IFT43: variants seen among roughly 807,000 people sequenced by gnomAD.
The protein encoded by IFT43 is intraflagellar transport 43.
Under a neutral mutation model 32.3 loss-of-function variants are expected in IFT43, and 33 were observed. The ratio of observed to expected loss-of-function variants is 1.02; its 90% CI spans 0.77 to 1.37. IFT43 has a LOEUF of 1.37. IFT43 is among the 40% of genes most tolerant of loss of function. The pLI is 0.00. For synonymous variants in IFT43, 93 were observed against 98.2 expected, an observed-to-expected ratio of 0.95 and a Z score of 0.31; for missense variants, 274 against 265.9, an observed-to-expected ratio of 1.03 and a Z score of -0.21.
chr14:76,072,533 C>G (rs1407646376), intron 5 of IFT43, among the ~76,000 whole-genome samples: 1 of 152,170 alleles, frequency 6.6e-6, no homozygotes, highest in African/African-American at 2.4e-5. Context: ...ATGTGAGCAG[C>G]TTGCTTGCAT....
At chr14:76,018,578 G>A (rs72725676) in intron 2 of IFT43, among the ~76,000 whole-genome samples, 1,665 of 152,206 alleles carry the variant, frequency 0.011, 12 homozygotes, top group Non-Finnish European at 0.017. Context: ...GGTTTAAAGT[G>A]CAGTTTAAAT....
At chr14:75,994,124 G>A (rs1213032486) in intron 2 of IFT43, among the ~76,000 whole-genome samples, 3 of 150,152 alleles carry the variant, frequency 2.0e-5, no homozygotes, top group African/African-American at 7.4e-5. Context: ...TTGTAGCCCT[G>A]GGTATGAAGA....
chr14:76,067,184 C>G (rs1043654377), intron 5 of IFT43, among the ~76,000 whole-genome samples: 1 of 152,244 alleles, frequency 6.6e-6, no homozygotes. Context: ...GATGCATGCT[C>G]TCTTCCAGAC....
In IFT43 at chr14:75,988,968, G is replaced by C. The variant is rs781379748; in HGVS notation, c.138G>C (p.Leu46=). Residue 46 remains leucine (L), a synonymous_variant, in exon 2 of 9, where the codon CTG becomes CTC. Coordinates refer to ENST00000314067, the MANE Select transcript of IFT43 (RefSeq NM_001102564.3). ...ATGGCAAGAATTCCTCTTTGACTCT[G>C]ACTGGAGAGGTGGGTGCTAAAAAAA... ...HLNGKNSSLT[L]TGETSSAKLP... is the part of the protein sequence containing the mutation. 6 of 1,613,750 alleles carry C rather than the reference G, an allele frequency of 3.7e-6. No individual in the cohort carries two copies. The highest frequency in any genetic ancestry group is 1.3e-5 in the African/African-American group (1 of 74,890).
intron 3 of IFT43, among the ~76,000 whole-genome samples, chr14:76,056,938 C>T (rs1473813130): frequency 2.0e-5 from 3 of 152,198 alleles, no homozygotes; most frequent in South Asian, 4.1e-4. Flanking sequence ...CCTGGGCACC[C>T]TGCAGTGGTT....
At chr14:76,002,499 A>C (rs1054219862) in intron 2 of IFT43, among the ~76,000 whole-genome samples, 6 of 152,190 alleles carry the variant, frequency 3.9e-5, no homozygotes, top group African/African-American at 7.2e-5. Flanking sequence ...GAGCAGTTCC[A>C]GTTATGACTG....
chr14:76,045,455 A>G (rs4903373), intron 3 of IFT43, among the ~76,000 whole-genome samples: 8,586 of 152,336 alleles, frequency 0.056, 318 homozygotes, highest in South Asian at 0.081. Context: ...GAGATGTGCT[A>G]TAGTAATTGG....
Position 75,985,776 on chromosome 14 carries a change from C to A in IFT43, c.-11C>A. The A allele has an allele frequency of 6.2e-7, 1 of 1,614,144 alleles. No individual in the cohort carries two copies. Among genetic ancestry groups the A allele is most frequent in the African/African-American group, 1.3e-5 (1 of 75,048 alleles). ...TCGGTTTCCAGGAAGTGACGTCAGG[C>A]GGCCGCGGAGATGGAGGATTTGCTC... On this transcript the variant is annotated 5_prime_UTR_variant, in exon 1 of 9. Coordinates refer to ENST00000314067, the MANE Select transcript of IFT43 (RefSeq NM_001102564.3).
At chr14:76,025,361 A>G (rs1160274590) in intron 3 of IFT43, among the ~76,000 whole-genome samples, 1 of 152,118 alleles carries the variant, frequency 6.6e-6, no homozygotes, top group Non-Finnish European at 1.5e-5. Flanking sequence ...TGTTAAAATG[A>G]CCATACAGGC....
intron 5 of IFT43, among the ~76,000 whole-genome samples, chr14:76,073,725 G>C (rs1199633235): frequency 6.6e-6 from 1 of 152,192 alleles, no homozygotes; most frequent in Admixed American, 6.5e-5. Context: ...GCTCTTGAAA[G>C]ATGATTACAG....
intron 5 of IFT43, among the ~76,000 whole-genome samples, chr14:76,078,410 T>A (rs372471157): frequency 6.6e-6 from 1 of 152,240 alleles, no homozygotes; most frequent in Non-Finnish European, 1.5e-5. Context: ...TCTTTGTGTT[T>A]ATTAGCCTCC....
intron 1 of IFT43, chr14:75,986,429 G>T: frequency 1.1e-5 from 3 of 260,982 alleles, no homozygotes; most frequent in Non-Finnish European, 1.2e-5. Flanking sequence ...ATGGAGCATA[G>T]AGCTGTTGCC....
At chr14:76,076,774 A>G (rs1041589428) in intron 5 of IFT43, 1 of 1,473,474 alleles carries the variant, frequency 6.8e-7, no homozygotes, top group Non-Finnish European at 9.4e-7. Context: ...TAGTGTGCGC[A>G]TGTGATGATA....
At chr14:76,070,530 A>AACC (rs1421018532) in intron 5 of IFT43, among the ~76,000 whole-genome samples, 6 of 152,178 alleles carry the variant, frequency 3.9e-5, no homozygotes, top group African/African-American at 1.4e-4. Flanking sequence ...GTGGTTCCTA[A>AACC]ACCTGGTTCC....
chr14:75,992,168 G>T (rs907236044), intron 2 of IFT43, among the ~76,000 whole-genome samples: 4 of 152,170 alleles, frequency 2.6e-5, no homozygotes, highest in Non-Finnish European at 5.9e-5. Context: ...CTCTGGTGAA[G>T]GAAGCAGAAA....
chr14:76,041,337 C>G (rs1314344958), intron 3 of IFT43, among the ~76,000 whole-genome samples: 1 of 152,132 alleles, frequency 6.6e-6, no homozygotes, highest in Admixed American at 6.5e-5. Flanking sequence ...TGGAAGTGTC[C>G]CTTAAATGAT....
chr14:75,988,343 C>T (rs73311106), intron 1 of IFT43, among the ~76,000 whole-genome samples: 13,277 of 152,172 alleles, frequency 0.087, 1,410 homozygotes, highest in African/African-American at 0.25. Context: ...GCCTGGGCAA[C>T]AGAGTGAGAA....
chr14:76,044,319 C>T (rs2036763942), intron 3 of IFT43, among the ~76,000 whole-genome samples: 1 of 152,062 alleles, frequency 6.6e-6, no homozygotes, highest in Admixed American at 6.5e-5. Flanking sequence ...GGATTACAGG[C>T]GTGAGCCACC....
intron 2 of IFT43, among the ~76,000 whole-genome samples, chr14:76,003,441 C>T (rs1409986327): frequency 6.6e-6 from 1 of 152,058 alleles, no homozygotes; most frequent in African/African-American, 2.4e-5. Context: ...GCCTGGCCAA[C>T]ATAGTGAAAC....
Sources: allele counts gnomAD v4.1 joint callset (sites outside exome capture counted in the v4.1 genomes callset), GRCh38; gene constraint gnomAD v4.1.1; transcripts MANE v1.5; gene names NCBI Gene and HGNC (gene_info 2026-07-23, HGNC 2026-07-21).